CFAP53: variants seen among roughly 807,000 people sequenced by gnomAD.
CFAP53 encodes cilia and flagella associated protein 53.
A neutral mutation model predicts 59.7 loss-of-function variants in CFAP53; 62 were observed. The ratio of observed to expected loss-of-function variants is 1.04; its 90% CI spans 0.85 to 1.28. The LOEUF is 1.28. Among genes scored for constraint, CFAP53 ranks in the 50% most tolerant of loss-of-function variants. The probability of loss-of-function intolerance (pLI) is 0.00; values close to 1 mark genes in which losing one functional copy is unlikely to be tolerated. For missense variants in CFAP53, 629 were observed against 615.6 expected (o/e 1.02, Z -0.23); for synonymous variants, 218 against 205.7 (o/e 1.06, Z -0.51).
At chr18:50,253,332 A>T (rs2144425747) in intron 3 of CFAP53, among the ~76,000 whole-genome samples, 1 of 152,342 alleles carries the variant, frequency 6.6e-6, no homozygotes, top group Non-Finnish European at 1.5e-5. Flanking sequence ...CCCAGTTTCT[A>T]AAAAAATAAA....
chr18:50,249,816 G>A (rs914195848), intron 5 of CFAP53, among the ~76,000 whole-genome samples: 32 of 152,190 alleles, frequency 2.1e-4, no homozygotes, highest in African/African-American at 7.7e-4. Context: ...ATCCTGACTG[G>A]CATGGTACTA....
intron 7 of CFAP53, among the ~76,000 whole-genome samples, chr18:50,232,890 C>CT (rs575760451): frequency 3.9e-5 from 6 of 152,294 alleles, no homozygotes; most frequent in African/African-American, 1.4e-4. Context: ...TTCTTTTTCT[C>CT]TTTTTCTGTT....
chr18:50,260,151 A>G (rs1212995842), intron 3 of CFAP53, among the ~76,000 whole-genome samples: 1 of 152,200 alleles, frequency 6.6e-6, no homozygotes, highest in Non-Finnish European at 1.5e-5. Flanking sequence ...TGGGTAGTCT[A>G]TCAGGGCACA....
At chr18:50,251,391 G>T in intron 4 of CFAP53, 90 bp downstream of exon 4, 1 of 1,145,932 alleles carries the variant, frequency 8.7e-7, no homozygotes, top group Non-Finnish European at 1.2e-6. Flanking sequence ...ACTAGCCCAG[G>T]CCATCAGACA....
chr18:50,246,815 G>A (rs910848266), intron 5 of CFAP53, among the ~76,000 whole-genome samples: 4 of 152,120 alleles, frequency 2.6e-5, no homozygotes, highest in African/African-American at 9.7e-5. Context: ...GGAGGCTGAG[G>A]TGGGTGGATC....
chr18:50,240,384 T>C (rs1444074827), intron 6 of CFAP53, among the ~76,000 whole-genome samples: 2 of 152,208 alleles, frequency 1.3e-5, no homozygotes, highest in Non-Finnish European at 2.9e-5. Context: ...TCCATAACCA[T>C]TTTTCCTGCC....
intron 1 of CFAP53, among the ~76,000 whole-genome samples, chr18:50,262,786 T>C (rs1012748662): frequency 1.3e-5 from 2 of 151,826 alleles, no homozygotes; most frequent in African/African-American, 4.8e-5. Context: ...ATATAACGAG[T>C]TGTGATAATG....
chr18:50,234,617 T>G (rs1254881404), intron 7 of CFAP53, among the ~76,000 whole-genome samples: 1 of 152,118 alleles, frequency 6.6e-6, no homozygotes, highest in Non-Finnish European at 1.5e-5. Flanking sequence ...GGATCCAACA[T>G]TTTTCCAGCC....
At chr18:50,265,858 T>G (rs1361122546) in intron 1 of CFAP53, among the ~76,000 whole-genome samples, 2 of 152,132 alleles carry the variant, frequency 1.3e-5, no homozygotes, top group Non-Finnish European at 2.9e-5. Flanking sequence ...AGGAAAGGCG[T>G]TGGGTGCTAT....
chr18:50,266,353 G>C lies in CFAP53; in HGVS notation c.52C>G (p.Pro18Ala). 1 of 1,614,204 alleles carries C rather than the reference G, an allele frequency of 6.2e-7. No individual in the cohort carries two copies. The highest frequency in any genetic ancestry group is 1.3e-5 in the African/African-American group (1 of 75,064). ...GTGCTTACCACGATCACCACTTTGG[G>C]GGTGGGGCCCTTAACCTCCCGCTGT... ...TVQREVKGPT[P>A]KVVIVRSKPP... Residue 18 changes from proline (P) to alanine (A), a missense_variant, in exon 1 of 8, where the codon CCC becomes GCC. Pro to Ala is a conservative substitution (Grantham distance 27, BLOSUM62 -1). Coordinates refer to ENST00000398545, the MANE Select transcript of CFAP53 (RefSeq NM_145020.5).
chr18:50,237,367 T>TACACAC (rs757901571), intron 7 of CFAP53, among the ~76,000 whole-genome samples: 2 of 63,918 alleles, frequency 3.1e-5, no homozygotes, highest in African/African-American at 5.5e-5. Flanking sequence ...CACATATATA[T>TACACAC]ACACACACAC....
chr18:50,237,162 C>T (rs1189566223), intron 7 of CFAP53, among the ~76,000 whole-genome samples: 3 of 149,694 alleles, frequency 2.0e-5, no homozygotes, highest in Non-Finnish European at 4.4e-5. Context: ...AAAAATTAGC[C>T]AGGCATGGTG....
At chr18:50,250,236 A>AAG (rs1260861364) in intron 5 of CFAP53, among the ~76,000 whole-genome samples, 1 of 92,200 alleles carries the variant, frequency 1.1e-5, no homozygotes, top group Admixed American at 1.1e-4. Flanking sequence ...AAAAAAAAAA[A>AAG]AGAGAGAGAG....
Position 50,250,822 on chromosome 18 carries a change from A to G in CFAP53, c.932T>C (p.Met311Thr), listed in dbSNP as rs1014638111. 1.3e-5 allele frequency: 21 copies of G among 1,614,032 alleles called. No homozygotes were observed. The highest frequency in any genetic ancestry group is 1.7e-5 in the Non-Finnish European group (20 of 1,180,038). ...TTGAAGGGCCCTTTGCACGAGCTTC[A>G]TGTTCAAGTCCTGTTCGTCTCTGTA... is the stretch of plus-strand genomic sequence containing the variant. ...QEYRDEQDLN[M>T]KLVQRALQDL... is the part of the protein sequence containing the mutation. The change falls in exon 5 of 8, where the codon ATG becomes ACG. Residue 311 changes from methionine to threonine, a missense_variant. By Grantham distance (81) the Met-to-Thr change is moderately conservative. Transcript: ENST00000398545.
rs1226313826 is a variant in CFAP53 at position 50,227,382 on chromosome 18, T to C, written c.1544A>G (p.Ter515TrpextTer25). 5 of 1,610,180 alleles carry C rather than the reference T, an allele frequency of 3.1e-6. No individual in the cohort carries two copies. The highest frequency in any genetic ancestry group is 2.7e-5 in the African/African-American group (2 of 74,870). ...RKACPSKLPP[*>W] ...AAAGATATATTGATGCTCACGGAACTACGGTGGAAGCTTACTGGGGCATGC... is the reference window on the plus strand; with the variant it reads ...AAAGATATATTGATGCTCACGGAACCACGGTGGAAGCTTACTGGGGCATGC... The change falls in exon 8 of 8, where the codon TAG becomes TGG. Residue 515 changes from the stop codon to tryptophan, a stop_lost. Coordinates refer to ENST00000398545, the MANE Select transcript of CFAP53 (RefSeq NM_145020.5).
chr18:50,229,351 T>C (rs2033557580), intron 7 of CFAP53, among the ~76,000 whole-genome samples: 1 of 152,242 alleles, frequency 6.6e-6, no homozygotes, highest in Non-Finnish European at 1.5e-5. Flanking sequence ...CTTTTTGTGA[T>C]TGGCTTATTT....
intron 5 of CFAP53, among the ~76,000 whole-genome samples, chr18:50,243,570 T>C (rs2033713610): frequency 6.6e-6 from 1 of 152,228 alleles, no homozygotes; most frequent in Non-Finnish European, 1.5e-5. Flanking sequence ...ATTAGAGCAC[T>C]GTCTCTCTGG....
chr18:50,247,744 G>A (rs1303084363), intron 5 of CFAP53, among the ~76,000 whole-genome samples: 1 of 152,190 alleles, frequency 6.6e-6, no homozygotes, highest in Non-Finnish European at 1.5e-5. Context: ...TCATATCAAA[G>A]TCCAGAATGG....
At chr18:50,244,513 T>C (rs999153176) in intron 5 of CFAP53, among the ~76,000 whole-genome samples, 3 of 152,146 alleles carry the variant, frequency 2.0e-5, no homozygotes, top group Non-Finnish European at 4.4e-5. Context: ...TATAGCAGTG[T>C]GAAAACAGAT....
Sources: gnomAD v4.1 joint callset for allele counts (sites outside exome capture counted in the v4.1 genomes callset) on GRCh38, gnomAD v4.1.1 for gene constraint, MANE v1.5 for transcripts, NCBI Gene and HGNC (gene_info 2026-07-23, HGNC 2026-07-21) for gene names.